NPIPB2: variants seen among roughly 807,000 people sequenced by gnomAD.
NPIPB2 encodes the protein nuclear pore complex-interacting protein family member B2.
NPIPB2 carries 27 observed loss-of-function variants against 30.8 expected under a neutral mutation model. The observed-to-expected ratio is 0.88, with a 90% CI of 0.65 to 1.21. NPIPB2 has a LOEUF of 1.21. Ranked by LOEUF, NPIPB2 falls within the 50% of genes most tolerant of loss-of-function variation. The pLI, the probability that NPIPB2 is intolerant of heterozygous loss-of-function variation, is 0.00. For synonymous variants in NPIPB2, 147 were observed against 162.0 expected, an observed-to-expected ratio of 0.91 and a Z score of 0.70; for missense variants, 440 against 446.2, an observed-to-expected ratio of 0.99 and a Z score of 0.13.
intron 2 of NPIPB2, among the ~76,000 whole-genome samples, chr16:11,934,856 T>C (rs1337368399): frequency 1.3e-4 from 7 of 53,244 alleles, no homozygotes; most frequent in Admixed American, 1.2e-3. Context: ...AGACTCTGTC[T>C]CAAAAAAAAA....
chr16:11,956,414 G>A (rs985902524), intron 1 of NPIPB2, among the ~76,000 whole-genome samples: 3 of 152,176 alleles, frequency 2.0e-5, no homozygotes, highest in Non-Finnish European at 2.9e-5. Flanking sequence ...AGTGGCTCAC[G>A]CCTGTAATTT....
At chr16:11,946,982 A>G (rs539790438), upstream of NPIPB2, among the ~76,000 whole-genome samples, 35 of 150,360 alleles carry the variant, frequency 2.3e-4, no homozygotes, top group South Asian at 2.7e-3. Context: ...TCAATCTCCC[A>G]AAGTGCTGGG....
intron 1 of NPIPB2, among the ~76,000 whole-genome samples, chr16:11,963,399 A>C (rs1451757983): frequency 1.3e-5 from 2 of 150,894 alleles, no homozygotes; most frequent in Non-Finnish European, 2.9e-5. Context: ...AAAAAAAAAG[A>C]ATAAGTTTTT....
chr16:11,971,797 TA>T (rs1271011814), intron 1 of NPIPB2, among the ~76,000 whole-genome samples: 1 of 152,222 alleles, frequency 6.6e-6, no homozygotes, highest in East Asian at 1.9e-4. Context: ...GCTCCTGGCC[TA>T]GATTCAAAGA....
chr16:11,935,391 G>A (rs1385288508), intron 2 of NPIPB2, among the ~76,000 whole-genome samples: 1 of 152,016 alleles, frequency 6.6e-6, no homozygotes, highest in African/African-American at 2.4e-5. Flanking sequence ...TTGGCTCACG[G>A]CAACCTCCAC....
intron 1 of NPIPB2, among the ~76,000 whole-genome samples, chr16:11,956,468 G>C (rs1049790520): frequency 6.6e-6 from 1 of 152,184 alleles, no homozygotes; most frequent in Non-Finnish European, 1.5e-5. Flanking sequence ...CTGAGGTCAG[G>C]AGTTTGAGAC....
exon 8 of NPIPB2, chr16:11,927,444 C>T (rs975253895): frequency 1.4e-5 from 15 of 1,061,712 alleles, no homozygotes; most frequent in Admixed American, 1.4e-4. Flanking sequence ...GATGATGGTT[C>T]CACCTCAGCG....
intron 2 of NPIPB2, among the ~76,000 whole-genome samples, chr16:11,934,349 T>C (rs2054836258): frequency 7.1e-6 from 1 of 141,810 alleles, no homozygotes; most frequent in Non-Finnish European, 1.5e-5. Flanking sequence ...AGGTCGGGAG[T>C]TTGAGACCAG....
chr16:11,966,824 A>G (rs11570152), intron 1 of NPIPB2, among the ~76,000 whole-genome samples: 1 of 150,524 alleles, frequency 6.6e-6, no homozygotes, highest in African/African-American at 2.5e-5. Context: ...TTGAGGAATC[A>G]TCTAAAAAAT....
intron 1 of NPIPB2, among the ~76,000 whole-genome samples, chr16:11,949,140 G>A (rs2055041245): frequency 6.6e-6 from 1 of 152,096 alleles, no homozygotes; most frequent in Non-Finnish European, 1.5e-5. Context: ...CTGGGCAACA[G>A]AGCTAGACCC....
At chr16:11,964,648 CAA>C (rs1174722259) in intron 1 of NPIPB2, among the ~76,000 whole-genome samples, 4 of 152,190 alleles carry the variant, frequency 2.6e-5, no homozygotes, top group African/African-American at 9.6e-5. Context: ...CTCCTGACCT[CAA>C]GTGATCCACC....
At chr16:11,955,720 C>CAAAAA (rs1406203084) in intron 1 of NPIPB2, among the ~76,000 whole-genome samples, 10 of 68,314 alleles carry the variant, frequency 1.5e-4, no homozygotes, top group East Asian at 9.0e-4. Flanking sequence ...GACACTGTCT[C>CAAAAA]AAAAAAAAAA....
intron 2 of NPIPB2, among the ~76,000 whole-genome samples, chr16:11,936,095 G>A (rs931959612): frequency 6.7e-5 from 10 of 148,360 alleles, no homozygotes; most frequent in African/African-American, 2.5e-4. Context: ...ATTTGAGGTC[G>A]GGTTTTGAGA....
chr16:11,933,663 T>C, exon 4 of NPIPB2: 1 of 1,596,920 alleles, frequency 6.3e-7, no homozygotes, highest in South Asian at 1.1e-5. Flanking sequence ...TTTTATTTCC[T>C]GGAAAGGAAG....
At chr16:11,943,393 T>C (rs2150920633), upstream of NPIPB2, among the ~76,000 whole-genome samples, 1 of 151,562 alleles carries the variant, frequency 6.6e-6, no homozygotes, top group Non-Finnish European at 1.5e-5. Flanking sequence ...TCTATTTGTA[T>C]GCTGCAGCCA....
At chr16:11,942,742 G>A (rs1435754908), upstream of NPIPB2, among the ~76,000 whole-genome samples, 13 of 151,148 alleles carry the variant, frequency 8.6e-5, no homozygotes, top group African/African-American at 3.2e-4. Flanking sequence ...CTCCAAGCAG[G>A]TGGGCAGGAC....
At chr16:11,976,065 T>C (rs1164811834) in intron 1 of NPIPB2, among the ~76,000 whole-genome samples, 1 of 151,984 alleles carries the variant, frequency 6.6e-6, no homozygotes, top group Non-Finnish European at 1.5e-5. Context: ...TTCCTAGAAT[T>C]AGGCAGAAAA....
chr16:11,960,573 G>T (rs2055146075), intron 1 of NPIPB2, among the ~76,000 whole-genome samples: 1 of 152,020 alleles, frequency 6.6e-6, no homozygotes, highest in Admixed American at 6.6e-5. Flanking sequence ...GGCCAGGCTG[G>T]TCTCAAACTC....
chr16:11,966,065 C>G (rs1008343927), intron 1 of NPIPB2: 2 of 830,864 alleles, frequency 2.4e-6, no homozygotes, highest in Non-Finnish European at 3.4e-6. Context: ...GAGCCGAGAT[C>G]GCGCCACTGC....
Sources: allele counts gnomAD v4.1 joint callset (sites outside exome capture counted in the v4.1 genomes callset), GRCh38; gene constraint gnomAD v4.1.1; transcripts MANE v1.5; gene names NCBI Gene and HGNC (gene_info 2026-07-23, HGNC 2026-07-21).